NCOA3: variants seen among roughly 807,000 people sequenced by gnomAD.
The protein encoded by NCOA3 is CBP-interacting protein.
NCOA3 carries 51 observed loss-of-function variants against 158.8 expected under a neutral mutation model. That is an observed-to-expected ratio of 0.32 (90% CI 0.26 to 0.41). The LOEUF (loss-of-function observed/expected upper bound fraction) is 0.41. NCOA3 is among the 10% of genes least tolerant of loss of function. The pLI, the probability that NCOA3 is intolerant of heterozygous loss-of-function variation, is 1.00. For missense variants in NCOA3, 1,510 were observed against 1,746.6 expected (o/e 0.86, Z 2.41); for synonymous variants, 537 against 592.4 (o/e 0.91, Z 1.36).
At chr20:47,628,876 T>G (rs903364295) in intron 8 of NCOA3, 27 of 152,238 alleles carry the variant, frequency 1.8e-4, no homozygotes, top group African/African-American at 6.5e-4. Flanking sequence ...TATGGTCACC[T>G]AAGTGTAAAT....
intron 1 of NCOA3, among the ~76,000 whole-genome samples, chr20:47,522,903 A>C (rs1225226583): frequency 6.6e-6 from 1 of 151,800 alleles, no homozygotes; most frequent in African/African-American, 2.4e-5. Context: ...AAAAAAAAAA[A>C]AAACGAGCCC....
intron 8 of NCOA3, among the ~76,000 whole-genome samples, chr20:47,629,193 A>G (rs1247737287): frequency 6.6e-6 from 1 of 152,166 alleles, no homozygotes; most frequent in African/African-American, 2.4e-5. Context: ...AAATATTGCT[A>G]TTTTTGCAGT....
At chr20:47,623,796 A>G (rs951193697) in intron 3 of NCOA3, 115 bp from the exon 4 acceptor site, 13 of 967,328 alleles carry the variant, frequency 1.3e-5, no homozygotes, top group Non-Finnish European at 1.6e-5. Flanking sequence ...TCTCGAGGAA[A>G]AAAAAAAAAA....
At chr20:47,644,144 A>ATTT (rs761776730) in intron 17 of NCOA3, among the ~76,000 whole-genome samples, 1 of 134,484 alleles carries the variant, frequency 7.4e-6, no homozygotes, top group Non-Finnish European at 1.6e-5. Context: ...AATTCGTTCT[A>ATTT]TTTTTTTTTT....
At chr20:47,594,014 A>G (rs2085700183) in intron 2 of NCOA3, among the ~76,000 whole-genome samples, 1 of 152,230 alleles carries the variant, frequency 6.6e-6, no homozygotes, top group Admixed American at 6.5e-5. Context: ...ATTCATAGAA[A>G]TCCTATAAGG....
chr20:47,559,299 T>G (rs1171665086), intron 1 of NCOA3, among the ~76,000 whole-genome samples: 1 of 152,166 alleles, frequency 6.6e-6, no homozygotes, highest in Non-Finnish European at 1.5e-5. Context: ...ATTGATGGAT[T>G]CAATCCAGAA....
intron 1 of NCOA3, among the ~76,000 whole-genome samples, chr20:47,504,453 C>T (rs1397006313): frequency 7.1e-6 from 1 of 140,902 alleles, no homozygotes; most frequent in Non-Finnish European, 1.5e-5. Flanking sequence ...AGGGACATTA[C>T]ATTAAAGATA....
chr20:47,528,066 C>T (rs973744949), intron 1 of NCOA3, among the ~76,000 whole-genome samples: 3 of 152,152 alleles, frequency 2.0e-5, no homozygotes, highest in African/African-American at 7.2e-5. Context: ...TATTTTCTCC[C>T]AGGCTTTGTT....
At chr20:47,548,905 C>T (rs2084882140) in intron 1 of NCOA3, among the ~76,000 whole-genome samples, 1 of 151,930 alleles carries the variant, frequency 6.6e-6, no homozygotes, top group African/African-American at 2.4e-5. Flanking sequence ...AAAGGGTCTC[C>T]TAAAAATACC....
At chr20:47,598,167 A>G (rs1337122237) in intron 2 of NCOA3, among the ~76,000 whole-genome samples, 1 of 146,584 alleles carries the variant, frequency 6.8e-6, no homozygotes, top group East Asian at 2.2e-4. Context: ...GAATGGCGTG[A>G]ATGTGGGAGG....
chr20:47,593,869 G>A (rs1429972128), intron 2 of NCOA3, among the ~76,000 whole-genome samples: 1 of 152,044 alleles, frequency 6.6e-6, no homozygotes, highest in Admixed American at 6.5e-5. Context: ...GCATAAGAAT[G>A]ACATTCTTAG....
At chr20:47,585,606 G>A (rs1193038141) in intron 2 of NCOA3, among the ~76,000 whole-genome samples, 4 of 151,988 alleles carry the variant, frequency 2.6e-5, no homozygotes, top group Non-Finnish European at 4.4e-5. Flanking sequence ...TTTAGCTTCC[G>A]AGGCCAAGAC....
intron 1 of NCOA3, among the ~76,000 whole-genome samples, chr20:47,548,652 G>A (rs1052275765): frequency 1.3e-5 from 2 of 152,224 alleles, no homozygotes; most frequent in Non-Finnish European, 2.9e-5. Context: ...ACATTAACAT[G>A]CAATTGAGAA....
intron 1 of NCOA3, among the ~76,000 whole-genome samples, chr20:47,520,341 C>T (rs1487014002): frequency 6.6e-6 from 1 of 152,198 alleles, no homozygotes; most frequent in Non-Finnish European, 1.5e-5. Flanking sequence ...GCCTCTCTCT[C>T]TTTCCTCTGC....
At chr20:47,610,878 A>G (rs947032114) in intron 2 of NCOA3, among the ~76,000 whole-genome samples, 4 of 152,098 alleles carry the variant, frequency 2.6e-5, no homozygotes, top group Non-Finnish European at 4.4e-5. Flanking sequence ...TCTATTTTTG[A>G]TATTGCTGGA....
intron 1 of NCOA3, among the ~76,000 whole-genome samples, chr20:47,558,315 C>T (rs1033529541): frequency 7.3e-6 from 1 of 137,002 alleles, no homozygotes; most frequent in Non-Finnish European, 1.5e-5. Flanking sequence ...CTCTTGACCT[C>T]AGGTGATCTG....
chr20:47,630,182 T>G (rs2086390248), intron 8 of NCOA3: 1 of 152,228 alleles, frequency 6.6e-6, no homozygotes, highest in Admixed American at 6.5e-5. Flanking sequence ...AGGTATTTAC[T>G]CTTTCCCAGA....
chr20:47,622,177 G>A, intron 2 of NCOA3, 52 bp from the exon 3 acceptor site: 3 of 951,768 alleles, frequency 3.2e-6, no homozygotes, highest in Non-Finnish European at 5.0e-6. Context: ...CCTTCATAGA[G>A]TCATGTATAT....
At chr20:47,511,558 T>TATATATATATACACACACACACATACA (rs1569310957) in intron 1 of NCOA3, among the ~76,000 whole-genome samples, 1 of 31,922 alleles carries the variant, frequency 3.1e-5, no homozygotes, top group African/African-American at 6.0e-5. Flanking sequence ...TATATATATT[T>TATATATATATACACACACACACATACA]CTTTTTTTTT....
Sources: gnomAD v4.1 joint callset for allele counts (sites outside exome capture counted in the v4.1 genomes callset) on GRCh38, gnomAD v4.1.1 for gene constraint, MANE v1.5 for transcripts, NCBI Gene and HGNC (gene_info 2026-07-23, HGNC 2026-07-21) for gene names.